UTRN: variants seen among roughly 807,000 people sequenced by gnomAD.
UTRN encodes utrophin, also known as dystrophin-related protein 1.
Under a neutral mutation model 463.9 loss-of-function variants are expected in UTRN, and 283 were observed. That is an observed-to-expected ratio of 0.61 (90% CI 0.55 to 0.67). UTRN has a LOEUF of 0.67. UTRN is among the 30% of genes least tolerant of loss of function. UTRN has a pLI of 0.00. For synonymous variants in UTRN, 1,442 were observed against 1,431.5 expected (o/e 1.01, Z -0.17); for missense variants, 3,922 against 4,084.3 (o/e 0.96, Z 1.08).
At chr6:144,660,614 A>G (rs936816490) in intron 51 of UTRN, among the ~76,000 whole-genome samples, 1 of 152,198 alleles carries the variant, frequency 6.6e-6, no homozygotes, top group Non-Finnish European at 1.5e-5. Flanking sequence ...AGCAAAAAAC[A>G]CTGGGTATTG....
intron 67 of UTRN, 28 bp from the exon 68 acceptor site, chr6:144,827,583 A>G: frequency 6.2e-7 from 1 of 1,612,860 alleles, no homozygotes; most frequent in Non-Finnish European, 8.5e-7. Flanking sequence ...TGGGCATAAA[A>G]TTATTGCTTT....
Position 144,754,702 on chromosome 6 carries a change from G to A in UTRN, c.8356-18G>A. The stretch of plus-strand genomic sequence containing the variant: ...GGAATCAAATTATTTCCTCTGACTT[G>A]CATGTGTATGTGTGCAGGTTTCTGT... On this transcript the variant is annotated intron_variant, in intron 56 of 74. Coordinates refer to ENST00000367545, the MANE Select transcript of UTRN (RefSeq NM_007124.3). 1.2e-6 allele frequency: 2 copies of A among 1,609,232 alleles called. No individual in the cohort carries two copies. Among genetic ancestry groups the A allele is most frequent in the Middle Eastern group, 1.7e-4 (1 of 6,032 alleles).
intron 21 of UTRN, 98 bp downstream of exon 21, chr6:144,459,452 C>A: frequency 7.7e-7 from 1 of 1,291,878 alleles, no homozygotes; most frequent in Non-Finnish European, 1.0e-6. Flanking sequence ...TGCTTTGCAC[C>A]AACCTTCTCC....
At position 144,482,254 on chromosome 6, in the gene UTRN, CT is replaced by C; in HGVS notation, c.3554del (p.Leu1185ProfsTer8). ...GCAGAAGGAGGTGAGAGTGAAGATT[CT>C]CAAGGACAACATCAAGTTATTAGCT... Reference protein sequence around the residue: ...VLQKEVRVKILKDNIKLLAAK... With the variant: ...VLQKEVRVKIXKDNIKLLAAK... On this transcript the variant is annotated frameshift_variant, in exon 27 of 75. Transcript: ENST00000367545. LOFTEE classifies it high-confidence loss of function. 6.2e-7 allele frequency: 1 copy of C among 1,602,766 alleles called. No homozygotes were observed. Among genetic ancestry groups the C allele is most frequent in the Non-Finnish European group, 8.5e-7 (1 of 1,175,866 alleles).
intron 1 of UTRN, among the ~76,000 whole-genome samples, chr6:144,291,223 G>A (rs977400633): frequency 1.3e-5 from 2 of 152,140 alleles, no homozygotes; most frequent in Non-Finnish European, 2.9e-5. Flanking sequence ...TTCTTCACCT[G>A]GTTCAACAGG....
chr6:144,503,188 C>A (rs1416872580), intron 34 of UTRN, among the ~76,000 whole-genome samples: 1 of 152,154 alleles, frequency 6.6e-6, no homozygotes, highest in Non-Finnish European at 1.5e-5. Flanking sequence ...AAACTTTCTC[C>A]CAGTCTCTAG....
At chr6:144,673,526 A>G (rs1174237767) in intron 51 of UTRN, among the ~76,000 whole-genome samples, 1 of 151,840 alleles carries the variant, frequency 6.6e-6, no homozygotes, top group Non-Finnish European at 1.5e-5. Context: ...TTGAATTTTT[A>G]TGAGTCCTTA....
intron 2 of UTRN, among the ~76,000 whole-genome samples, chr6:144,383,592 A>G (rs1371552303): frequency 1.3e-5 from 2 of 152,186 alleles, no homozygotes; most frequent in Non-Finnish European, 2.9e-5. Flanking sequence ...TCTTCCACCC[A>G]ATATACTTCT....
intron 61 of UTRN, among the ~76,000 whole-genome samples, chr6:144,788,098 A>T (rs1776438966): frequency 6.6e-6 from 1 of 152,186 alleles, no homozygotes; most frequent in African/African-American, 2.4e-5. Context: ...AGATAAAAAA[A>T]CATGTTTCAT....
intron 11 of UTRN, among the ~76,000 whole-genome samples, chr6:144,438,039 A>G (rs1786758365): frequency 6.6e-6 from 1 of 152,170 alleles, no homozygotes. Context: ...GCCAACGCGG[A>G]TGGATCACTT....
At chr6:144,779,713 C>T (rs1173937065) in intron 60 of UTRN, among the ~76,000 whole-genome samples, 2 of 152,154 alleles carry the variant, frequency 1.3e-5, no homozygotes, top group Admixed American at 6.5e-5. Flanking sequence ...GGTGGACCCT[C>T]ACAGTTCAAA....
rs1787039659 is a variant in UTRN, at chr6:144,440,487, A to T, written c.1512+16A>T. 1 of 1,613,964 alleles carries T rather than the reference A, an allele frequency of 6.2e-7. No individual in the cohort carries two copies. Among genetic ancestry groups the T allele is most frequent in the African/African-American group, 1.3e-5 (1 of 74,946 alleles). On this transcript the variant is annotated intron_variant, in intron 13 of 74. Transcript: ENST00000367545. ...CCAGTTACAGGTAAGAGTGCTGTAAAGTTGGATAATCCTGAGGGACCTGTG... is the reference window on the plus strand; with the variant it reads ...CCAGTTACAGGTAAGAGTGCTGTAATGTTGGATAATCCTGAGGGACCTGTG...
At chr6:144,634,571 A>G (rs758877337) in intron 51 of UTRN, among the ~76,000 whole-genome samples, 2 of 152,242 alleles carry the variant, frequency 1.3e-5, no homozygotes, top group Non-Finnish European at 2.9e-5. Flanking sequence ...CTTTGTTGCA[A>G]TATAATTCAT....
intron 53 of UTRN, among the ~76,000 whole-genome samples, chr6:144,722,728 A>T (rs1299042249): frequency 1.3e-5 from 2 of 152,148 alleles, no homozygotes; most frequent in African/African-American, 4.8e-5. Flanking sequence ...CTAAATAAAC[A>T]TATGTGACTA....
chr6:144,461,053 T>C (rs1474511656), intron 21 of UTRN, 144 bp from the exon 22 acceptor site: 2 of 558,830 alleles, frequency 3.6e-6, no homozygotes, highest in Non-Finnish European at 5.6e-6. Context: ...GAATGATCTA[T>C]GTTGTTAATT....
At chr6:144,649,564 T>TG (rs1231850211) in intron 51 of UTRN, among the ~76,000 whole-genome samples, 1 of 152,140 alleles carries the variant, frequency 6.6e-6, no homozygotes, top group Non-Finnish European at 1.5e-5. Context: ...TTTAGTTATT[T>TG]GGGGGTTGGA....
chr6:144,434,562 A>G (rs1394485172), intron 9 of UTRN, among the ~76,000 whole-genome samples: 2 of 152,200 alleles, frequency 1.3e-5, no homozygotes, highest in Non-Finnish European at 2.9e-5. Flanking sequence ...ATGGTTTAAT[A>G]TGCCTAGGAG....
intron 65 of UTRN, among the ~76,000 whole-genome samples, chr6:144,808,251 A>G (rs1031841058): frequency 6.6e-6 from 1 of 150,538 alleles, no homozygotes; most frequent in Non-Finnish European, 1.5e-5. Context: ...TTTTAGAATG[A>G]TTAAGCTTAT....
At chr6:144,677,915 CTT>C (rs1781807905) in intron 51 of UTRN, among the ~76,000 whole-genome samples, 1 of 152,130 alleles carries the variant, frequency 6.6e-6, no homozygotes, top group Non-Finnish European at 1.5e-5. Context: ...AGAAGTGACT[CTT>C]TGAATCCTTT....
Sources: gnomAD v4.1 joint callset for allele counts (sites outside exome capture counted in the v4.1 genomes callset) on GRCh38, gnomAD v4.1.1 for gene constraint, MANE v1.5 for transcripts, NCBI Gene and HGNC (gene_info 2026-07-23, HGNC 2026-07-21) for gene names.